GLT1D1: variants seen among roughly 807,000 people sequenced by gnomAD.
GLT1D1 encodes glycosyltransferase 1 domain containing 1, also known as glycosyltransferase 1 domain-containing protein 1.
GLT1D1 carries 21 observed loss-of-function variants against 28.7 expected under a neutral mutation model. The observed-to-expected ratio is 0.73, with a 90% CI of 0.52 to 1.05. The LOEUF is 1.05. GLT1D1 is among the 50% of genes least tolerant of loss of function. The pLI is 0.00. For missense variants in GLT1D1, 343 were observed against 330.6 expected, an observed-to-expected ratio of 1.04 and a Z score of -0.29; for synonymous variants, 147 against 124.8, an observed-to-expected ratio of 1.18 and a Z score of -1.19.
chr12:128,935,039 G>T (rs146829361), intron 4 of GLT1D1, among the ~76,000 whole-genome samples: 3 of 152,104 alleles, frequency 2.0e-5, no homozygotes, highest in Non-Finnish European at 4.4e-5. Context: ...AATTGTCCCC[G>T]CCTGGGTCAT....
At chr12:128,890,117 T>A (rs1377817288) in intron 3 of GLT1D1, among the ~76,000 whole-genome samples, 1 of 152,184 alleles carries the variant, frequency 6.6e-6, no homozygotes, top group Non-Finnish European at 1.5e-5. Flanking sequence ...TCCAGGCAAC[T>A]TCAGTCAGCA....
intron 4 of GLT1D1, among the ~76,000 whole-genome samples, chr12:128,941,905 C>CTTTTTTTTTTTTTTTTTTTTTTTTT (rs60663875): frequency 1.7e-4 from 13 of 75,346 alleles, no homozygotes; most frequent in Admixed American, 5.3e-4. Flanking sequence ...CTCTCTCTCT[C>CTTTTTTTTTTTTTTTTTTTTTTTTT]TTTTTTTTTT....
At chr12:128,877,247 T>C (rs1046228054) in intron 2 of GLT1D1, among the ~76,000 whole-genome samples, 1 of 152,220 alleles carries the variant, frequency 6.6e-6, no homozygotes, top group Non-Finnish European at 1.5e-5. Context: ...TTAAATGACA[T>C]AGTAGTGGTA....
intron 2 of GLT1D1, among the ~76,000 whole-genome samples, chr12:128,879,123 A>T (rs1044988741): frequency 6.6e-6 from 1 of 152,200 alleles, no homozygotes; most frequent in Non-Finnish European, 1.5e-5. Flanking sequence ...TTCTGTTGAC[A>T]GTGAGTTGTG....
chr12:128,882,950 G>A (rs1957091747), intron 2 of GLT1D1, among the ~76,000 whole-genome samples: 1 of 149,338 alleles, frequency 6.7e-6, no homozygotes, highest in Non-Finnish European at 1.5e-5. Flanking sequence ...TTTTTGAGAC[G>A]GAGTCTCACT....
intron 1 of GLT1D1, among the ~76,000 whole-genome samples, chr12:128,869,236 G>A (rs1210977288): frequency 6.6e-6 from 1 of 152,000 alleles, no homozygotes; most frequent in African/African-American, 2.4e-5. Context: ...GCACCGTCTT[G>A]ACTCACTGCA....
intron 4 of GLT1D1, chr12:128,907,001 A>C (rs1206331998): frequency 1.4e-6 from 1 of 701,360 alleles, no homozygotes; most frequent in Non-Finnish European, 2.6e-6. Context: ...CCTAATCGGA[A>C]TGAGCTGCGT....
chr12:128,891,271 A>T (rs1386836164), intron 3 of GLT1D1, among the ~76,000 whole-genome samples: 2 of 152,188 alleles, frequency 1.3e-5, no homozygotes, highest in African/African-American at 4.8e-5. Flanking sequence ...TTTTCTGATC[A>T]GTCATGAGGT....
At chr12:128,945,023 A>C (rs1487212594) in intron 4 of GLT1D1, 1 of 616,802 alleles carries the variant, frequency 1.6e-6, no homozygotes, top group Non-Finnish European at 2.9e-6. Flanking sequence ...TTCAATTCCC[A>C]CCTATGAGTG....
chr12:128,895,834 G>C (rs1024346420), intron 3 of GLT1D1, among the ~76,000 whole-genome samples: 2 of 152,162 alleles, frequency 1.3e-5, no homozygotes, highest in Non-Finnish European at 2.9e-5. Context: ...AGAAGCCCAA[G>C]AACTGAGTCT....
At position 128,888,640 on chromosome 12, in the gene GLT1D1, C is replaced by T. The variant is rs1324854409; in HGVS notation, c.219C>T (p.Gly73=). 1 of 1,605,642 alleles carries T rather than the reference C, an allele frequency of 6.2e-7. No homozygotes were observed. Among genetic ancestry groups the T allele is most frequent in the East Asian group, 2.2e-5 (1 of 44,848 alleles). ...TTTGTGACTGTCATCGTTTTGCAGGCCACCGAATCCCTTTTGGAGTCATCT... is the reference window on the plus strand; with the variant it reads ...TTTGTGACTGTCATCGTTTTGCAGGTCACCGAATCCCTTTTGGAGTCATCT... The change falls in exon 3 of 8, where the codon GGC becomes GGT. Residue 73 remains glycine (G), a splice_region_variant and synonymous_variant. Coordinates refer to ENST00000281703, the MANE Select transcript of GLT1D1 (RefSeq NM_144669.3).
intron 4 of GLT1D1, among the ~76,000 whole-genome samples, chr12:128,938,836 T>C (rs781079185): frequency 1.3e-5 from 2 of 152,186 alleles, no homozygotes; most frequent in African/African-American, 2.4e-5. Flanking sequence ...CTTGCATATA[T>C]TTAGGAATTT....
chr12:128,909,494 G>T (rs1009615016), intron 4 of GLT1D1, among the ~76,000 whole-genome samples: 1 of 152,040 alleles, frequency 6.6e-6, no homozygotes, highest in Non-Finnish European at 1.5e-5. Context: ...GTTTGTAATC[G>T]TTTTACAAGT....
At chr12:128,916,195 C>A (rs1872095785) in intron 4 of GLT1D1, among the ~76,000 whole-genome samples, 1 of 152,244 alleles carries the variant, frequency 6.6e-6, no homozygotes, top group East Asian at 1.9e-4. Flanking sequence ...TATCTGTAGA[C>A]CTTTTTTCTT....
chr12:128,858,413 T>C (rs141751347), intron 1 of GLT1D1, among the ~76,000 whole-genome samples: 1 of 152,326 alleles, frequency 6.6e-6, no homozygotes, highest in East Asian at 1.9e-4. Flanking sequence ...GGCTCACGTC[T>C]GTAATCACAA....
intron 7 of GLT1D1, among the ~76,000 whole-genome samples, chr12:128,966,918 T>C (rs1438879876): frequency 6.6e-6 from 1 of 152,208 alleles, no homozygotes; most frequent in African/African-American, 2.4e-5. Flanking sequence ...CTACTAAAGA[T>C]TGATTTTTTC....
intron 4 of GLT1D1, among the ~76,000 whole-genome samples, chr12:128,911,638 C>T (rs1361143990): frequency 6.6e-6 from 1 of 152,172 alleles, no homozygotes; most frequent in African/African-American, 2.4e-5. Flanking sequence ...GGACTTGCTC[C>T]ATCACTCTGC....
At chr12:128,876,295 A>C (rs763350136) in intron 2 of GLT1D1, among the ~76,000 whole-genome samples, 3 of 151,902 alleles carry the variant, frequency 2.0e-5, no homozygotes, top group Non-Finnish European at 2.9e-5. Flanking sequence ...ATCATCCTTA[A>C]TTTTTGTTTG....
intron 7 of GLT1D1, among the ~76,000 whole-genome samples, chr12:128,963,420 G>A (rs755598989): frequency 2.0e-4 from 31 of 151,986 alleles, no homozygotes; most frequent in Non-Finnish European, 3.2e-4. Flanking sequence ...GCCGAGGTGG[G>A]TGAATCACTT....
Sources: allele counts gnomAD v4.1 joint callset (sites outside exome capture counted in the v4.1 genomes callset), GRCh38; gene constraint gnomAD v4.1.1; transcripts MANE v1.5; gene names NCBI Gene and HGNC (gene_info 2026-07-23, HGNC 2026-07-21).